Variants in PHF14 observed in about 807,000 individuals in gnomAD.
The protein encoded by PHF14 is PHD finger protein 14.
Under a neutral mutation model 117.9 loss-of-function variants are expected in PHF14, and 55 were observed. That is an observed-to-expected ratio of 0.47 (90% CI 0.38 to 0.58). PHF14 has a LOEUF of 0.58. Ranked by LOEUF, PHF14 falls within the 20% of genes least tolerant of loss-of-function variation. The pLI is 0.00. For synonymous variants in PHF14, 409 were observed against 368.6 expected (o/e 1.11, Z -1.26); for missense variants, 978 against 1,122.2 (o/e 0.87, Z 1.84).
At chr7:11,128,144 T>A (rs575768912) in intron 17 of PHF14, among the ~76,000 whole-genome samples, 1 of 152,228 alleles carries the variant, frequency 6.6e-6, no homozygotes, top group Non-Finnish European at 1.5e-5. Context: ...TATATGTACT[T>A]GAGTTCACTA....
At chr7:11,000,685 C>A (rs1383179075) in intron 4 of PHF14, among the ~76,000 whole-genome samples, 1 of 152,088 alleles carries the variant, frequency 6.6e-6, no homozygotes, top group Non-Finnish European at 1.5e-5. Flanking sequence ...CTATTCAGAT[C>A]TTTTGCCCAT....
chr7:10,974,795 T>G, intron 1 of PHF14, 40 bp from the exon 2 acceptor site: 1 of 994,598 alleles, frequency 1.0e-6, no homozygotes, highest in Non-Finnish European at 1.5e-6. Context: ...CTGTGTTTGG[T>G]GTGATTATGA....
chr7:11,155,222 G>A lies in PHF14; in HGVS notation c.2773-14194G>A, dbSNP rs189752056. Among the ~76,000 whole-genome samples, 439 of 152,272 alleles carry A rather than the reference G, an allele frequency of 2.9e-3. 2 individuals carry two copies. Among genetic ancestry groups the A allele is most frequent in the Non-Finnish European group, 4.8e-3 (323 of 67,996 alleles). On this transcript the variant is annotated intron_variant, in intron 17 of 17. Transcript: ENST00000634607. The stretch of plus-strand genomic sequence containing the variant: ...TAGATGAGAAAACTAGGTTCTAAAA[G>A]TTTAAGTGATTTCTTCAAAGTATTT...
intron 16 of PHF14, among the ~76,000 whole-genome samples, chr7:11,085,210 A>C (rs1039605227): frequency 1.3e-5 from 2 of 152,176 alleles, no homozygotes; most frequent in Non-Finnish European, 2.9e-5. Context: ...TGTTTTAAAG[A>C]TTTACTGAGA....
rs61707274 is a variant in PHF14, at chr7:11,147,123, C to T, written c.2773-22293C>T. On this transcript the variant is annotated intron_variant, in intron 17 of 17. Transcript: ENST00000634607. Reference sequence around the variant, plus strand: ...TCGGCTTCCCAAAGTGCTGGGATTACGGGCATAAGCCGCCACACCCAGCCT... The same window carrying T: ...TCGGCTTCCCAAAGTGCTGGGATTATGGGCATAAGCCGCCACACCCAGCCT... Among the ~76,000 whole-genome samples, 836 of 152,242 alleles carry T rather than the reference C, an allele frequency of 5.5e-3. 6 individuals are homozygous for T. The highest frequency in any genetic ancestry group is 0.019 in the African/African-American group (796 of 41,546).
intron 17 of PHF14, among the ~76,000 whole-genome samples, chr7:11,112,489 A>G (rs1787479351): frequency 6.6e-6 from 1 of 152,054 alleles, no homozygotes; most frequent in Non-Finnish European, 1.5e-5. Context: ...AATTATACAC[A>G]TTTTTTGCCG....
intron 4 of PHF14, among the ~76,000 whole-genome samples, chr7:11,001,232 G>A (rs1782861713): frequency 1.3e-5 from 2 of 152,050 alleles, no homozygotes; most frequent in South Asian, 2.1e-4. Flanking sequence ...TCTGGGCTCA[G>A]TTTGTTCATC....
At chr7:11,037,180 T>C in intron 10 of PHF14, 89 bp downstream of exon 10, 1 of 1,218,426 alleles carries the variant, frequency 8.2e-7, no homozygotes, top group African/African-American at 1.5e-5. Context: ...TTATGTTTTG[T>C]TTTTAATTTC....
At chr7:11,104,466 A>G (rs1787191153) in intron 16 of PHF14, 2 of 978,354 alleles carry the variant, frequency 2.0e-6, no homozygotes, top group African/African-American at 3.5e-5. Flanking sequence ...TATAAGGAGA[A>G]AATTGATGTG....
intron 17 of PHF14, among the ~76,000 whole-genome samples, chr7:11,156,551 G>C (rs1788859517): frequency 6.6e-6 from 1 of 152,088 alleles, no homozygotes; most frequent in Non-Finnish European, 1.5e-5. Flanking sequence ...TCTCAGCACT[G>C]TGGGAGGCCG....
chr7:10,974,818 T>A lies in PHF14; in HGVS notation c.2-17T>A. ...GGTGTGATTATGAATGACAATGTAA[T>A]TTTTTTCTCTTCACAGTGGATCGCA... On this transcript the variant is annotated splice_polypyrimidine_tract_variant and intron_variant, in intron 1 of 17. Coordinates refer to ENST00000634607, the MANE Select transcript of PHF14 (RefSeq NM_001007157.2). The A allele has an allele frequency of 1.5e-6, 2 of 1,351,692 alleles. No individual in the cohort carries two copies. The highest frequency in any genetic ancestry group is 2.1e-6 in the Non-Finnish European group (2 of 968,786). The allele number at this position is 1,351,692 out of a possible 1,614,324, so 83.7% of individuals were successfully genotyped here.
intron 16 of PHF14, among the ~76,000 whole-genome samples, chr7:11,087,197 C>T (rs1447686351): frequency 6.7e-6 from 1 of 149,392 alleles, no homozygotes; most frequent in Non-Finnish European, 1.5e-5. Context: ...GCCCTTCTTT[C>T]TTTTTTTTTG....
rs546411085 is a variant in PHF14 at position 11,081,845 on chromosome 7, G to C, written c.2654+19760G>C. Among the ~76,000 whole-genome samples the C allele has an allele frequency of 2.2e-3, 334 of 149,408 alleles. 3 individuals carry two copies. Among genetic ancestry groups the C allele is most frequent in the African/African-American group, 7.7e-3 (310 of 40,412 alleles). ...CACTCCAGCCTGGGCGACAGAATGA[G>C]ACTCCGTCTCAAAAAAAAAAAAAGA... is the stretch of plus-strand genomic sequence containing the variant. On this transcript the variant is annotated intron_variant, in intron 16 of 17. Coordinates refer to ENST00000634607, the MANE Select transcript of PHF14 (RefSeq NM_001007157.2).
At chr7:10,978,663 T>C (rs1213470418) in intron 2 of PHF14, among the ~76,000 whole-genome samples, 1 of 152,190 alleles carries the variant, frequency 6.6e-6, no homozygotes, top group East Asian at 1.9e-4. Context: ...AGGCTTGTCC[T>C]GTACCCAGTA....
At chr7:11,013,349 A>G (rs756191939) in intron 4 of PHF14, among the ~76,000 whole-genome samples, 9 of 151,976 alleles carry the variant, frequency 5.9e-5, no homozygotes, top group South Asian at 2.1e-4. Context: ...TTTAGGAGAG[A>G]TGAGGTTTCA....
intron 17 of PHF14, among the ~76,000 whole-genome samples, chr7:11,132,998 C>A (rs1201263943): frequency 6.6e-6 from 1 of 151,738 alleles, no homozygotes; most frequent in Non-Finnish European, 1.5e-5. Context: ...ATGAATCTAA[C>A]AAAATATACA....
At chr7:11,090,183 G>A (rs1786590147) in intron 16 of PHF14, among the ~76,000 whole-genome samples, 2 of 152,326 alleles carry the variant, frequency 1.3e-5, no homozygotes, top group South Asian at 4.1e-4. Flanking sequence ...AGCTCTGTGA[G>A]AAGTGATTGG....
intron 10 of PHF14, among the ~76,000 whole-genome samples, chr7:11,037,810 A>G (rs1187619849): frequency 1.3e-5 from 2 of 152,312 alleles, no homozygotes; most frequent in South Asian, 4.1e-4. Flanking sequence ...ACTGTGTAGT[A>G]AAAAGAGTAC....
intron 3 of PHF14, among the ~76,000 whole-genome samples, chr7:10,986,881 A>G (rs889816465): frequency 1.3e-5 from 2 of 152,246 alleles, no homozygotes; most frequent in Admixed American, 6.5e-5. Flanking sequence ...TGTAAAAGAA[A>G]GAAGAGCTCT....
Sources: gnomAD v4.1 joint callset for allele counts (sites outside exome capture counted in the v4.1 genomes callset) on GRCh38, gnomAD v4.1.1 for gene constraint, MANE v1.5 for transcripts, NCBI Gene and HGNC (gene_info 2026-07-23, HGNC 2026-07-21) for gene names.